Variants in PRELID2 observed in about 807,000 individuals in gnomAD.
The protein encoded by PRELID2 is PRELI domain containing 2.
A neutral mutation model predicts 28.4 loss-of-function variants in PRELID2; 25 were observed. The ratio of observed to expected loss-of-function variants is 0.88; its 90% confidence interval spans 0.64 to 1.23. PRELID2 has a LOEUF of 1.23. Among genes scored for constraint, PRELID2 ranks in the 50% most tolerant of loss-of-function variants. PRELID2 has a pLI of 0.00. For synonymous variants in PRELID2, 76 were observed against 71.6 expected (o/e 1.06, Z -0.31); for missense variants, 201 against 214.4 (o/e 0.94, Z 0.39).
intron 1 of PRELID2, among the ~76,000 whole-genome samples, chr5:145,629,718 C>T (rs1753905786): frequency 6.6e-6 from 1 of 152,020 alleles, no homozygotes; most frequent in South Asian, 2.1e-4. Context: ...GAAACTGAGG[C>T]ATAGAGGGCT....
chr5:145,528,690 TACACAC>T (rs34302691), intron 1 of PRELID2, among the ~76,000 whole-genome samples: 3,563 of 129,658 alleles, frequency 0.027, 60 homozygotes, highest in Middle Eastern at 0.049. Flanking sequence ...CATTCTAAAC[TACACAC>T]ACACACACAC....
At chr5:145,389,515 T>G in the PRELID2 span, among the ~76,000 whole-genome samples, 1 of 152,130 alleles carries the variant, frequency 6.6e-6, no homozygotes, top group African/African-American at 2.4e-5. Flanking sequence ...AAAATGTAAA[T>G]TTTGCTATTC....
In PRELID2 at chr5:145,758,963, A is replaced by G. The variant is rs899618589; in HGVS notation, c.*1573T>C. On this transcript the variant is annotated 3_prime_UTR_variant, in exon 7 of 7. Coordinates refer to ENST00000683046, the MANE Select transcript of PRELID2 (RefSeq NM_205846.3). ...AAATTTTCAGACATTTTAAAAAAAAATTTCCCCAAGACTCTCCAGTAACGG... is the reference window on the plus strand; with the variant it reads ...AAATTTTCAGACATTTTAAAAAAAAGTTTCCCCAAGACTCTCCAGTAACGG... 20 of 148,278 alleles carry G rather than the reference A, an allele frequency of 1.3e-4. No homozygotes were observed. The highest frequency in any genetic ancestry group is 4.9e-4 in the African/African-American group (20 of 40,412). 9.2% of individuals were successfully genotyped at this position (148,278 alleles called of 1,614,324 possible). A position where few individuals can be genotyped will look rare whatever the true frequency, so the allele number is the denominator to read the frequency against.
At chr5:145,790,848 C>A (rs1752335853) in intron 5 of PRELID2, among the ~76,000 whole-genome samples, 1 of 146,698 alleles carries the variant, frequency 6.8e-6, no homozygotes. Context: ...AATGAGTCCT[C>A]AAAATATTAA....
At chr5:145,573,305 G>C (rs73309647) in intron 1 of PRELID2, among the ~76,000 whole-genome samples, 5,322 of 151,514 alleles carry the variant, frequency 0.035, 285 homozygotes, top group African/African-American at 0.12. Flanking sequence ...AATTGGAAGA[G>C]AATGTTTCAG....
intron 1 of PRELID2, among the ~76,000 whole-genome samples, chr5:145,737,278 G>A (rs375811558): frequency 1.3e-5 from 2 of 152,052 alleles, no homozygotes; most frequent in Non-Finnish European, 2.9e-5. Flanking sequence ...AGACTCGTGT[G>A]CTGGCTCAGA....
At chr5:145,806,783 G>C (rs549328384) in intron 4 of PRELID2, among the ~76,000 whole-genome samples, 1 of 152,088 alleles carries the variant, frequency 6.6e-6, no homozygotes, top group Non-Finnish European at 1.5e-5. Context: ...AGATCTGATG[G>C]TTTTAAAAGT....
chr5:145,688,561 A>G (rs1755082359), intron 1 of PRELID2, among the ~76,000 whole-genome samples: 1 of 152,238 alleles, frequency 6.6e-6, no homozygotes, highest in Non-Finnish European at 1.5e-5. Context: ...AAGGGGGAGA[A>G]GCCAAAAAAG....
At chr5:145,594,556 T>A (rs865854587) in intron 1 of PRELID2, among the ~76,000 whole-genome samples, 1 of 152,162 alleles carries the variant, frequency 6.6e-6, no homozygotes, top group Admixed American at 6.5e-5. Context: ...TGCATGAAGA[T>A]CCTCATCACA....
chr5:145,229,107 G>A, the PRELID2 span: 104 of 1,454,870 alleles, frequency 7.1e-5, no homozygotes, highest in East Asian at 1.2e-3. Context: ...GCCCTGCATC[G>A]CCCACAAAAA....
At chr5:145,319,246 C>T in the PRELID2 span, among the ~76,000 whole-genome samples, 36 of 152,290 alleles carry the variant, frequency 2.4e-4, no homozygotes, top group African/African-American at 8.7e-4. Flanking sequence ...CCCAATATCT[C>T]CCTGCTTCCT....
At chr5:145,807,740 C>A (rs1231633002) in intron 4 of PRELID2, among the ~76,000 whole-genome samples, 1 of 152,160 alleles carries the variant, frequency 6.6e-6, no homozygotes, top group African/African-American at 2.4e-5. Context: ...CATTTCACCC[C>A]ACAAGTACTG....
At chr5:145,675,299 A>C (rs1047273633) in intron 1 of PRELID2, among the ~76,000 whole-genome samples, 1 of 151,736 alleles carries the variant, frequency 6.6e-6, no homozygotes, top group East Asian at 1.9e-4. Context: ...AAGAGACTTA[A>C]TCTTACTAAT....
chr5:145,767,517 T>C (rs1407551747), intron 5 of PRELID2, among the ~76,000 whole-genome samples: 1 of 152,162 alleles, frequency 6.6e-6, no homozygotes, highest in Non-Finnish European at 1.5e-5. Flanking sequence ...CATCTATGAA[T>C]GACAAAGCTA....
chr5:145,268,730 G>A, the PRELID2 span, among the ~76,000 whole-genome samples: 25 of 151,924 alleles, frequency 1.6e-4, no homozygotes, highest in Non-Finnish European at 3.5e-4. Flanking sequence ...AAGTATAAAG[G>A]TTGAAATAAA....
intron 4 of PRELID2, among the ~76,000 whole-genome samples, chr5:145,802,970 T>C (rs946751077): frequency 3.9e-5 from 6 of 152,222 alleles, no homozygotes; most frequent in African/African-American, 1.4e-4. Flanking sequence ...AATGAGATCC[T>C]GTCCTTGAAT....
intron 1 of PRELID2, among the ~76,000 whole-genome samples, chr5:145,657,013 G>A (rs1754407915): frequency 6.6e-6 from 1 of 152,152 alleles, no homozygotes; most frequent in Non-Finnish European, 1.5e-5. Flanking sequence ...AAAGCATCTA[G>A]TACAGTGCCT....
At chr5:145,390,051 G>A in the PRELID2 span, among the ~76,000 whole-genome samples, 1 of 152,184 alleles carries the variant, frequency 6.6e-6, no homozygotes, top group Admixed American at 6.5e-5. Context: ...GTTTGATTAG[G>A]AAGATAGCTG....
chr5:145,510,859 A>T (rs1384958103), intron 1 of PRELID2, among the ~76,000 whole-genome samples: 2 of 152,210 alleles, frequency 1.3e-5, no homozygotes, highest in African/African-American at 4.8e-5. Flanking sequence ...CCAAATCAGC[A>T]TACCTGATTA....
Sources: gnomAD v4.1 joint callset for allele counts (sites outside exome capture counted in the v4.1 genomes callset) on GRCh38, gnomAD v4.1.1 for gene constraint, MANE v1.5 for transcripts, NCBI Gene and HGNC (gene_info 2026-07-23, HGNC 2026-07-21) for gene names.